The following UPF1 variants were observed in gnomAD, a reference collection of about 807,000 sequenced individuals.
UPF1 encodes UPF1 RNA helicase and ATPase, also known as regulator of nonsense transcripts 1.
In UPF1, 9 loss-of-function variants were observed where a neutral mutation model predicts 129.2. The observed-to-expected ratio is 0.07, with a 90% CI of 0.04 to 0.12. The LOEUF (loss-of-function observed/expected upper bound fraction) is 0.12, where lower values mean the gene tolerates loss of function less well. Ranked by LOEUF, UPF1 falls within the 10% of genes least tolerant of loss-of-function variation. The probability of loss-of-function intolerance (pLI) is 1.00; values close to 1 mark genes in which losing one functional copy is unlikely to be tolerated. For synonymous variants in UPF1, 649 were observed against 644.9 expected, an observed-to-expected ratio of 1.01 and a Z score of -0.10; for missense variants, 788 against 1,525.3, an observed-to-expected ratio of 0.52 and a Z score of 8.05.
intron 11 of UPF1, 25 bp downstream of exon 11, chr19:18,855,267 G>A (rs1158047614): frequency 2.5e-6 from 4 of 1,604,296 alleles, no homozygotes; most frequent in Non-Finnish European, 3.4e-6. Context: ...GCCCTTGCGG[G>A]CAAGACCCGG....
chr19:18,839,395 C>CT (rs1284873587), intron 1 of UPF1, among the ~76,000 whole-genome samples: 1 of 152,138 alleles, frequency 6.6e-6, no homozygotes, highest in African/African-American at 2.4e-5. Context: ...CACCTGGCCC[C>CT]TTTAAGTATA....
chr19:18,865,519 G>T lies in UPF1; in HGVS notation c.3020-42G>T. ...TCTTGAGGGTGTGCTTGTCTGCGAG[G>T]CCCTGGCCTCCTTCGGATCACCCTG... On this transcript the variant is annotated intron_variant, in intron 21 of 23. Coordinates refer to ENST00000262803, the MANE Select transcript of UPF1 (RefSeq NM_002911.4). This position sits in a 1 kb window ranked among gnomAD's most constrained non-coding sequence, Gnocchi z 6.1. 6.2e-7 allele frequency: 1 copy of T among 1,613,094 alleles called. No individual in the cohort carries two copies. The highest frequency in any genetic ancestry group is 1.3e-5 in the African/African-American group (1 of 75,034).
chr19:18,858,525 T>C (rs923520310), intron 15 of UPF1, among the ~76,000 whole-genome samples: 1 of 152,078 alleles, frequency 6.6e-6, no homozygotes, highest in Admixed American at 6.6e-5. Flanking sequence ...GTCACAGGCC[T>C]GCAGAAACCC....
At position 18,862,149 on chromosome 19, in the gene UPF1, C is replaced by T; in HGVS notation, c.2597C>T (p.Ala866Val). The T allele has an allele frequency of 6.2e-7, 1 of 1,613,554 alleles. No homozygotes were observed. The change falls in exon 18 of 24, where the codon GCA becomes GTA. Residue 866 changes from alanine (A) to valine (V), a missense_variant. Ala to Val is a moderately conservative substitution (Grantham distance 64, BLOSUM62 0). Around this residue, in one of 6 missense-constraint regions of UPF1, gnomAD observed 140 missense variants for 385.9 expected, o/e 0.36. Coordinates refer to ENST00000262803, the MANE Select transcript of UPF1 (RefSeq NM_002911.4). ...PRRLNVALTRARYGVIIVGNP... is the reference protein window; with the variant it reads ...PRRLNVALTRVRYGVIIVGNP... The stretch of plus-strand genomic sequence containing the variant: ...CGTCTGAACGTGGCCCTGACCAGAG[C>T]AAGGTAGGGAGGCTGCCTGCTGCAT...
intron 10 of UPF1, 37 bp downstream of exon 10, chr19:18,855,075 G>T (rs2055701814): frequency 6.2e-7 from 1 of 1,612,924 alleles, no homozygotes; most frequent in Non-Finnish European, 8.5e-7. Context: ...CCTCGCCCAT[G>T]GGCCGGGACG....
intron 1 of UPF1, chr19:18,833,069 G>T (rs906488095): frequency 6.6e-6 from 1 of 152,278 alleles, no homozygotes; most frequent in African/African-American, 2.4e-5. Flanking sequence ...CGGGGGTCCT[G>T]CCCGGTCTCC....
rs901641255 is a variant in UPF1 at position 18,851,302 on chromosome 19, A to G, written c.810+434A>G. Among the ~76,000 whole-genome samples the G allele has an allele frequency of 1.3e-5, 2 of 152,170 alleles. No individual in the cohort carries two copies. Among genetic ancestry groups the G allele is most frequent in the Non-Finnish European group, 2.9e-5 (2 of 68,020 alleles). ...GGGGAGAGGAGAGGGTGCCGGGTCA[A>G]GTAGTGGGTGCCTGGCCCTCCTTCC... On this transcript the variant is annotated intron_variant, in intron 5 of 23. Coordinates refer to ENST00000262803, the MANE Select transcript of UPF1 (RefSeq NM_002911.4). This position sits in a 1 kb window ranked among gnomAD's most constrained non-coding sequence, Gnocchi z 4.2.
intron 1 of UPF1, among the ~76,000 whole-genome samples, chr19:18,843,732 TGTGTGTGTGTGTGTGTG>T (rs1377286375): frequency 6.6e-6 from 1 of 150,706 alleles, no homozygotes; most frequent in Non-Finnish European, 1.5e-5. Context: ...TGTGTGTGTG[TGTGTGTGTGTGTGTGTG>T]TGTTGTTGTT....
Position 18,860,790 on chromosome 19 carries a change from A to G in UPF1, c.2301-36A>G, listed in dbSNP as rs778472975. 1.2e-5 allele frequency: 19 copies of G among 1,608,880 alleles called. No homozygotes were observed. In the South Asian group the frequency reaches 2.0e-4, roughly 17 times the overall value. On this transcript the variant is annotated intron_variant, in intron 16 of 23. Coordinates refer to ENST00000262803, the MANE Select transcript of UPF1 (RefSeq NM_002911.4). Reference sequence around the variant, plus strand: ...CCAGCCTCAGGGCTCGGGATCCCACAGGTGGAGCCCAGCACTGACAGCCTG... The same window carrying G: ...CCAGCCTCAGGGCTCGGGATCCCACGGGTGGAGCCCAGCACTGACAGCCTG...
Position 18,851,250 on chromosome 19 carries a change from G to C in UPF1, c.810+382G>C, listed in dbSNP as rs529134805. On this transcript the variant is annotated intron_variant, in intron 5 of 23. Transcript: ENST00000262803. The surrounding 1 kb of genome is among the most constrained non-coding windows in gnomAD (Gnocchi z 4.2). ...TGTCCTGGGGAAATAGGTTGGTGTCGAGGTCGGCACAGTCAGCTGAGACAG... is the reference window on the plus strand; with the variant it reads ...TGTCCTGGGGAAATAGGTTGGTGTCCAGGTCGGCACAGTCAGCTGAGACAG... 1.3e-4 allele frequency: 22 copies of C among 168,076 alleles called. No individual in the cohort carries two copies. In the East Asian group the frequency reaches 3.1e-3, roughly 24 times the overall value. 10.4% of individuals were successfully genotyped at this position (168,076 alleles called of 1,614,324 possible). A position where few individuals can be genotyped will look rare whatever the true frequency, so the allele number is the denominator to read the frequency against.
intron 13 of UPF1, 87 bp downstream of exon 13, chr19:18,856,387 G>T (rs2055718260): frequency 7.7e-7 from 1 of 1,298,502 alleles, no homozygotes. Flanking sequence ...TTGAATTGTT[G>T]CTTTGCTTCT....
intron 17 of UPF1, 54 bp downstream of exon 17, chr19:18,861,036 C>T (rs2055773329): frequency 6.6e-7 from 1 of 1,512,370 alleles, no homozygotes; most frequent in South Asian, 1.2e-5. Context: ...AGGGTATTGA[C>T]CCTTGACCTT....
At chr19:18,843,165 G>A (rs922909195) in intron 1 of UPF1, among the ~76,000 whole-genome samples, 1 of 152,180 alleles carries the variant, frequency 6.6e-6, no homozygotes, top group Admixed American at 6.5e-5. Flanking sequence ...TAGAGAATCA[G>A]GAATGAGCTG....
chr19:18,847,221 T>C (rs1182008544), intron 2 of UPF1, among the ~76,000 whole-genome samples: 1 of 152,262 alleles, frequency 6.6e-6, no homozygotes, highest in Non-Finnish European at 1.5e-5. Context: ...GGTGCAGCTC[T>C]GGGGAGCTAG....
At chr19:18,848,065 T>G in intron 3 of UPF1, 1 of 465,068 alleles carries the variant, frequency 2.2e-6, no homozygotes. Context: ...AGGGTTGGCT[T>G]AATTCTCCTT....
intron 15 of UPF1, 104 bp downstream of exon 15, chr19:18,857,637 T>A: frequency 7.7e-7 from 1 of 1,306,990 alleles, no homozygotes; most frequent in South Asian, 1.5e-5. Flanking sequence ...CTGAGCGGCT[T>A]CACATAGCCA....
intron 15 of UPF1, 84 bp from the exon 16 acceptor site, chr19:18,860,237 G>T: frequency 7.2e-7 from 1 of 1,388,580 alleles, no homozygotes. Flanking sequence ...GCACTGTAGC[G>T]TAGCAACTAC....
At chr19:18,859,493 C>G (rs750802795) in intron 15 of UPF1, 2 of 152,192 alleles carry the variant, frequency 1.3e-5, no homozygotes, top group Non-Finnish European at 2.9e-5. Flanking sequence ...CCACAGCAGC[C>G]CCTGGGCTGA....
At position 18,846,178 on chromosome 19, in the gene UPF1, G is replaced by A. The variant is rs986343172; in HGVS notation, c.371+59G>A. 4.4e-6 allele frequency: 7 copies of A among 1,600,424 alleles called. No individual in the cohort carries two copies. The East Asian group carries it at 1.6e-4, about 36-fold the overall frequency. On this transcript the variant is annotated intron_variant, in intron 2 of 23. Transcript: ENST00000262803. ...TGGACAGGTGGGTGCCTCTGGCATG[G>A]GCCTGGGACACTCACCTCCCAGGTA... is the stretch of plus-strand genomic sequence containing the variant.
Sources: gnomAD v4.1 joint callset for allele counts (sites outside exome capture counted in the v4.1 genomes callset) on GRCh38, gnomAD v4.1.1 for gene constraint, gnomAD v4.1.1 regional missense constraint, Gnocchi (gnomAD v3.1) non-coding constraint, MANE v1.5 for transcripts, NCBI Gene and HGNC (gene_info 2026-07-23, HGNC 2026-07-21) for gene names.